Variants in LRP8 observed in about 807,000 individuals in gnomAD.
The protein encoded by LRP8 is low-density lipoprotein receptor-related protein 8.
LRP8 carries 46 observed loss-of-function variants against 111.6 expected under a neutral mutation model. The ratio of observed to expected loss-of-function variants is 0.41; its 90% CI spans 0.33 to 0.53. The LOEUF (loss-of-function observed/expected upper bound fraction) is 0.53, where lower values mean the gene tolerates loss of function less well. Ranked by LOEUF, LRP8 falls within the 20% of genes least tolerant of loss-of-function variation. The pLI is 0.20. For missense variants in LRP8, 959 were observed against 1,297.4 expected, an observed-to-expected ratio of 0.74 and a Z score of 4.01; for synonymous variants, 464 against 511.2, an observed-to-expected ratio of 0.91 and a Z score of 1.24.
intron 2 of LRP8, among the ~76,000 whole-genome samples, chr1:53,301,839 G>A (rs1650960555): frequency 6.6e-6 from 1 of 152,180 alleles, no homozygotes; most frequent in Non-Finnish European, 1.5e-5. Context: ...AAAGTGAGAG[G>A]TGGACCTTCC....
chr1:53,287,985 G>C, intron 3 of LRP8: 1 of 151,704 alleles, frequency 6.6e-6, no homozygotes, highest in Non-Finnish European at 1.5e-5. Context: ...AGAGACGGGG[G>C]TGGGGGTGGG....
chr1:53,315,660 A>G (rs1653700011), intron 2 of LRP8, among the ~76,000 whole-genome samples: 1 of 152,042 alleles, frequency 6.6e-6, no homozygotes, highest in Non-Finnish European at 1.5e-5. Flanking sequence ...GCACATCTAC[A>G]CCTCCCAGCT....
Position 53,303,622 on chromosome 1 carries a change from G to A in LRP8, c.245-13933C>T, listed in dbSNP as rs1651398701. Among the ~76,000 whole-genome samples, 1 of 152,202 alleles carries A rather than the reference G, an allele frequency of 6.6e-6. No individual in the cohort carries two copies. The highest frequency in any genetic ancestry group is 2.4e-5 in the African/African-American group (1 of 41,448). ...AGTACTTAGGCTCATTCCGTTGAAC[G>A]TTAGGACCAAGGAGCCACAGAATCT... On this transcript the variant is annotated intron_variant, in intron 2 of 18. Transcript: ENST00000306052. This position sits in a 1 kb window ranked among gnomAD's most constrained non-coding sequence, Gnocchi z 4.3.
intron 16 of LRP8, 102 bp downstream of exon 16, chr1:53,255,015 A>G: frequency 1.6e-6 from 2 of 1,253,980 alleles, no homozygotes; most frequent in Non-Finnish European, 2.3e-6. Flanking sequence ...CAAGGGCAGA[A>G]CAAGTCAATA....
At chr1:53,324,980 A>T (rs1334876326) in intron 2 of LRP8, among the ~76,000 whole-genome samples, 1 of 152,214 alleles carries the variant, frequency 6.6e-6, no homozygotes, top group African/African-American at 2.4e-5. Flanking sequence ...TAGAATGACA[A>T]GAAAATTTCT....
rs1388722949 is a variant in LRP8 at position 53,245,166 on chromosome 1, T to C, written c.*1852A>G. 6.6e-6 allele frequency: 1 copy of C among 152,160 alleles called. No homozygotes were observed. The highest frequency in any genetic ancestry group is 1.5e-5 in the Non-Finnish European group (1 of 68,036). The allele number at this position is 152,160 out of a possible 1,614,324, so 9.4% of individuals were successfully genotyped here. ...AATGTCTGACTGAAAATTCAAAGGG[T>C]ATCAAGCTGGTGAGACATCCAACTT... On this transcript the variant is annotated 3_prime_UTR_variant, in exon 19 of 19. Transcript: ENST00000306052.
intron 2 of LRP8, among the ~76,000 whole-genome samples, chr1:53,299,493 G>A (rs757178470): frequency 1.3e-5 from 2 of 152,206 alleles, no homozygotes; most frequent in Non-Finnish European, 2.9e-5. Context: ...CCTCTCTGGA[G>A]TGCTCCTCTG....
chr1:53,316,648 G>A (rs990493928), intron 2 of LRP8, among the ~76,000 whole-genome samples: 1 of 152,206 alleles, frequency 6.6e-6, no homozygotes, highest in Non-Finnish European at 1.5e-5. Flanking sequence ...TGACTCTTAG[G>A]GGAAAACAAA....
intron 2 of LRP8, among the ~76,000 whole-genome samples, chr1:53,311,095 A>G (rs1324797838): frequency 6.6e-6 from 1 of 152,114 alleles, no homozygotes; most frequent in East Asian, 1.9e-4. Context: ...CCCAGACCCC[A>G]GCCTGCTCTG....
At chr1:53,277,671 C>CT (rs1646971289) in intron 4 of LRP8, among the ~76,000 whole-genome samples, 1 of 152,240 alleles carries the variant, frequency 6.6e-6, no homozygotes, top group South Asian at 2.1e-4. Flanking sequence ...GAACCTACTT[C>CT]TTGCCCACCA....
chr1:53,248,940 C>T (rs1029105252), intron 18 of LRP8, among the ~76,000 whole-genome samples: 5 of 152,184 alleles, frequency 3.3e-5, no homozygotes, highest in Admixed American at 6.5e-5. Flanking sequence ...TAACAGTGAG[C>T]AGAAAGAAGT....
At chr1:53,248,667 T>G (rs1166330907) in intron 18 of LRP8, among the ~76,000 whole-genome samples, 1 of 152,240 alleles carries the variant, frequency 6.6e-6, no homozygotes, top group Non-Finnish European at 1.5e-5. Flanking sequence ...TGTAAAACAC[T>G]GGGAACAGTG....
chr1:53,272,763 T>A, intron 6 of LRP8: 2 of 806,656 alleles, frequency 2.5e-6, no homozygotes, highest in Non-Finnish European at 3.6e-6. Flanking sequence ...CTCCCACCTC[T>A]AGGAATCTTT....
intron 2 of LRP8, among the ~76,000 whole-genome samples, chr1:53,299,585 C>A (rs1304964400): frequency 1.3e-5 from 2 of 152,162 alleles, no homozygotes; most frequent in Non-Finnish European, 2.9e-5. Context: ...CCACCCCCAG[C>A]CTCACATTGG....
In LRP8 at chr1:53,266,401, C is replaced by T. The variant is rs377631216; in HGVS notation, c.1427+72G>A. 6.6e-7 allele frequency: 1 copy of T among 1,516,960 alleles called. No individual in the cohort carries two copies. Among genetic ancestry groups the T allele is most frequent in the Non-Finnish European group, 9.1e-7 (1 of 1,103,326 alleles). 94.0% of individuals were successfully genotyped at this position (1,516,960 alleles called of 1,614,324 possible). On this transcript the variant is annotated intron_variant, in intron 9 of 18. Transcript: ENST00000306052. This position sits in a 1 kb window ranked among gnomAD's most constrained non-coding sequence, Gnocchi z 5.0. The stretch of plus-strand genomic sequence containing the variant: ...GGAGCTCTAGAGGCAGACACCACTC[C>T]TCCCCTCCTCACCTGTCACCACCCC...
At chr1:53,304,561 TAATC>T (rs1316715344) in intron 2 of LRP8, 7 of 152,242 alleles carry the variant, frequency 4.6e-5, no homozygotes, top group Non-Finnish European at 1.0e-4. Flanking sequence ...GAAGCCAAAA[TAATC>T]AAGCAGCAGG....
At chr1:53,320,788 G>A (rs1654407962) in intron 2 of LRP8, among the ~76,000 whole-genome samples, 1 of 152,204 alleles carries the variant, frequency 6.6e-6, no homozygotes, top group African/African-American at 2.4e-5. Flanking sequence ...GCTGAGTCCT[G>A]CAGCTGCTCC....
At position 53,289,595 on chromosome 1, in the gene LRP8, A is replaced by G. The variant is rs372208503; in HGVS notation, c.339T>C (p.Asp113=). The G allele has an allele frequency of 6.2e-7, 1 of 1,609,486 alleles. No homozygotes were observed. Among genetic ancestry groups the G allele is most frequent in the Non-Finnish European group, 8.5e-7 (1 of 1,177,986 alleles). Residue 113 remains aspartate, a synonymous_variant, in exon 3 of 19, where the codon GAT becomes GAC. Coordinates refer to ENST00000306052, the MANE Select transcript of LRP8 (RefSeq NM_004631.5). ...AAGTGGCCTCGGACTCATCGGAGCC[A>G]TCAGGACACTCCTCCTCGCCGTCAC... ...WKCDGEEECP[D]GSDESEATCT...
In LRP8 at chr1:53,274,830, C is replaced by T. The variant is rs760537227; in HGVS notation, c.1006+801G>A. 1.5e-5 allele frequency: 7 copies of T among 456,274 alleles called. No homozygotes were observed. In the East Asian group the frequency reaches 2.8e-4, roughly 18 times the overall value. The allele number at this position is 456,274 out of a possible 1,614,324, so 28.3% of individuals were successfully genotyped here. On this transcript the variant is annotated intron_variant, in intron 6 of 18. Transcript: ENST00000306052. ...CCCTCACAGGGTGACTCTGTTGGGC[C>T]GGACAAGAGAGTGGACAGTGCCTGT... is the stretch of plus-strand genomic sequence containing the variant.
Sources: allele counts gnomAD v4.1 joint callset (sites outside exome capture counted in the v4.1 genomes callset), GRCh38; gene constraint gnomAD v4.1.1; non-coding constraint Gnocchi (gnomAD v3.1); transcripts MANE v1.5; gene names NCBI Gene and HGNC (gene_info 2026-07-23, HGNC 2026-07-21).